Variants in SNX9 observed in about 807,000 individuals in gnomAD.
The protein encoded by SNX9 is sorting nexin-9.
Under a neutral mutation model 89.4 loss-of-function variants are expected in SNX9, and 44 were observed. The observed-to-expected ratio is 0.49, with a 90% CI of 0.39 to 0.63. The LOEUF is 0.63. Ranked by LOEUF, SNX9 falls within the 30% of genes least tolerant of loss-of-function variation. The pLI is 0.00. For synonymous variants in SNX9, 236 were observed against 247.8 expected (o/e 0.95, Z 0.45); for missense variants, 578 against 736.1 (o/e 0.79, Z 2.49).
chr6:157,841,956 C>G (rs1214478488), intron 1 of SNX9, among the ~76,000 whole-genome samples: 3 of 152,124 alleles, frequency 2.0e-5, no homozygotes, highest in African/African-American at 7.2e-5. Context: ...CACAGTGATC[C>G]TGGCCCGTTT....
intron 2 of SNX9, among the ~76,000 whole-genome samples, chr6:157,869,909 C>A (rs749560150): frequency 6.6e-6 from 1 of 152,066 alleles, no homozygotes; most frequent in Non-Finnish European, 1.5e-5. Flanking sequence ...GCACACACCT[C>A]GCACCCTCAT....
At position 157,869,574 on chromosome 6, in the gene SNX9, C is replaced by G. The variant is rs139133972; in HGVS notation, c.99+1941C>G. On this transcript the variant is annotated intron_variant, in intron 2 of 17. Transcript: ENST00000392185. ...CTCTGTCCAGCCTCTTCTCTCCACC[C>G]TGCGCTTCCTGCCAGCGCCCTGAGC... 4.5e-3 allele frequency among the ~76,000 whole-genome samples: 683 copies of G among 152,312 alleles called. 7 individuals carry two copies. The highest frequency in any genetic ancestry group is 0.016 in the African/African-American group (652 of 41,568).
At chr6:157,935,877 T>A in intron 13 of SNX9, 87 bp from the exon 14 acceptor site, 1 of 938,876 alleles carries the variant, frequency 1.1e-6, no homozygotes, top group Non-Finnish European at 1.5e-6. Context: ...ATAATAAAAT[T>A]TACCAATAAA....
chr6:157,852,047 A>G (rs990418608), intron 1 of SNX9, among the ~76,000 whole-genome samples: 3 of 152,116 alleles, frequency 2.0e-5, no homozygotes, highest in Non-Finnish European at 4.4e-5. Flanking sequence ...AGTTGCTGCC[A>G]CCTTTTGGCT....
At chr6:157,833,712 T>C in intron 1 of SNX9, among the ~76,000 whole-genome samples, 1 of 152,220 alleles carries the variant, frequency 6.6e-6, no homozygotes, top group East Asian at 1.9e-4. Context: ...TAGGCAGGGT[T>C]TCCAGCACTG....
At chr6:157,911,964 C>T (rs1362642999) in intron 9 of SNX9, among the ~76,000 whole-genome samples, 1 of 152,152 alleles carries the variant, frequency 6.6e-6, no homozygotes, top group Admixed American at 6.6e-5. Flanking sequence ...AGTGGTCCCT[C>T]GTGGTGCTGG....
chr6:157,942,773 GT>G lies in SNX9; in HGVS notation c.1741-14del, dbSNP rs1754326104. 1 of 1,613,668 alleles carries G rather than the reference GT, an allele frequency of 6.2e-7. No homozygotes were observed. Among genetic ancestry groups the G allele is most frequent in the Non-Finnish European group, 8.5e-7 (1 of 1,179,898 alleles). On this transcript the variant is annotated splice_polypyrimidine_tract_variant and intron_variant, in intron 17 of 17. Coordinates refer to ENST00000392185, the MANE Select transcript of SNX9 (RefSeq NM_016224.5). ...GGGAGTGATATCTCAACGTTGTTTT[GT>G]TTTGCTTTCTTGTCAGATTGCAGAA...
chr6:157,862,970 G>A (rs962262253), intron 1 of SNX9, among the ~76,000 whole-genome samples: 3 of 152,260 alleles, frequency 2.0e-5, no homozygotes, highest in East Asian at 1.9e-4. Flanking sequence ...TCTTCCATGG[G>A]GAGAATGAGT....
chr6:157,893,110 T>C (rs1384702773), intron 4 of SNX9, among the ~76,000 whole-genome samples: 5 of 152,190 alleles, frequency 3.3e-5, no homozygotes, highest in Non-Finnish European at 7.4e-5. Context: ...ACACGGAATA[T>C]ATTGCTAAAT....
At chr6:157,832,651 C>A (rs1349574341) in intron 1 of SNX9, among the ~76,000 whole-genome samples, 3 of 152,206 alleles carry the variant, frequency 2.0e-5, no homozygotes, top group Non-Finnish European at 4.4e-5. Flanking sequence ...GCAAACATGT[C>A]CTTCTTCACA....
chr6:157,905,791 A>G (rs1309871732), intron 6 of SNX9, among the ~76,000 whole-genome samples: 1 of 152,192 alleles, frequency 6.6e-6, no homozygotes, highest in Admixed American at 6.5e-5. Context: ...TGGCGTGCTC[A>G]CTACTCACTG....
chr6:157,866,995 C>T (rs189666314), intron 1 of SNX9, among the ~76,000 whole-genome samples: 32 of 152,184 alleles, frequency 2.1e-4, no homozygotes, highest in Middle Eastern at 3.4e-3. Flanking sequence ...GTCGTGCAGG[C>T]TGGAGTGCAG....
chr6:157,869,850 C>T (rs922931680), intron 2 of SNX9, among the ~76,000 whole-genome samples: 6 of 151,568 alleles, frequency 4.0e-5, no homozygotes, highest in Non-Finnish European at 8.8e-5. Context: ...TATGCATACC[C>T]CCACACACAC....
intron 1 of SNX9, among the ~76,000 whole-genome samples, chr6:157,826,885 A>AC: frequency 1.9e-5 from 2 of 105,550 alleles, no homozygotes; most frequent in Non-Finnish European, 3.5e-5. Context: ...TATAATATAT[A>AC]AATATATATT....
At chr6:157,897,029 C>T in intron 5 of SNX9, 31 bp downstream of exon 5, 1 of 1,538,246 alleles carries the variant, frequency 6.5e-7, no homozygotes, top group Non-Finnish European at 8.7e-7. Flanking sequence ...TCCCACCCTG[C>T]CCGCCCATGG....
chr6:157,878,927 TG>T (rs1424220276), intron 4 of SNX9, among the ~76,000 whole-genome samples: 1 of 87,260 alleles, frequency 1.1e-5, no homozygotes, highest in Non-Finnish European at 2.5e-5. Flanking sequence ...TGTCCTTTGG[TG>T]GGGGAAGGTA....
At chr6:157,884,202 A>T (rs1385015085) in intron 4 of SNX9, among the ~76,000 whole-genome samples, 1 of 152,216 alleles carries the variant, frequency 6.6e-6, no homozygotes, top group African/African-American at 2.4e-5. Context: ...TTTTTAAAAC[A>T]GTTTGGATAT....
intron 1 of SNX9, among the ~76,000 whole-genome samples, chr6:157,837,001 G>C (rs1781597293): frequency 6.6e-6 from 1 of 152,200 alleles, no homozygotes; most frequent in Non-Finnish European, 1.5e-5. Context: ...AAGAACTTGG[G>C]TTCTGTCCTT....
At chr6:157,899,936 GGT>G (rs1325473298) in intron 5 of SNX9, among the ~76,000 whole-genome samples, 2 of 151,204 alleles carry the variant, frequency 1.3e-5, no homozygotes, top group African/African-American at 2.4e-5. Context: ...CGTGCCTGTG[GGT>G]GTGTGTGTGG....
Sources: allele counts gnomAD v4.1 joint callset (sites outside exome capture counted in the v4.1 genomes callset), GRCh38; gene constraint gnomAD v4.1.1; transcripts MANE v1.5; gene names NCBI Gene and HGNC (gene_info 2026-07-23, HGNC 2026-07-21).